Variants in BMAL1 observed in about 807,000 individuals in gnomAD.
The protein encoded by BMAL1 is basic helix-loop-helix ARNT like 1, also known as basic helix-loop-helix ARNT-like protein 1.
At chr11:13,385,875 G>A in the BMAL1 span, 2 of 1,023,536 alleles carry the variant, frequency 2.0e-6, no homozygotes, top group Non-Finnish European at 3.0e-6. Context: ...TGAACTGTGT[G>A]AAACAAGCTA....
the BMAL1 span, among the ~76,000 whole-genome samples, chr11:13,346,464 G>A: frequency 6.6e-6 from 1 of 152,168 alleles, no homozygotes; most frequent in Non-Finnish European, 1.5e-5. Context: ...AAGGGGCAGG[G>A]TTCAGCTTCA....
the BMAL1 span, among the ~76,000 whole-genome samples, chr11:13,351,350 T>C: frequency 1.3e-5 from 2 of 151,892 alleles, no homozygotes; most frequent in African/African-American, 2.4e-5. Flanking sequence ...ACCAGAAGGA[T>C]TGACATAGGA....
At chr11:13,357,162 A>G in the BMAL1 span, 1 of 1,597,964 alleles carries the variant, frequency 6.3e-7, no homozygotes, top group Non-Finnish European at 8.5e-7. The surrounding 1 kb of genome is among the most constrained non-coding windows in gnomAD (Gnocchi z 4.8). Flanking sequence ...GCAGCTGAGG[A>G]GGCTCTGCAT....
the BMAL1 span, among the ~76,000 whole-genome samples, chr11:13,333,242 C>T: frequency 3.9e-5 from 6 of 152,348 alleles, 1 homozygote; most frequent in South Asian, 8.3e-4. Context: ...GCTGGGATTA[C>T]AGGCGTGATC....
the BMAL1 span, among the ~76,000 whole-genome samples, chr11:13,335,926 C>T: frequency 6.6e-5 from 10 of 152,244 alleles, no homozygotes; most frequent in South Asian, 2.1e-3. Flanking sequence ...GGTTATATTA[C>T]TTACAGATTT....
chr11:13,287,053 A>G, the BMAL1 span, among the ~76,000 whole-genome samples: 1 of 152,204 alleles, frequency 6.6e-6, no homozygotes, highest in East Asian at 1.9e-4. Context: ...AAGGTTTTGC[A>G]GTGGTGAAAA....
chr11:13,308,917 G>A, the BMAL1 span, among the ~76,000 whole-genome samples: 3 of 152,138 alleles, frequency 2.0e-5, no homozygotes, highest in African/African-American at 7.2e-5. Flanking sequence ...CAGGGGTTGC[G>A]GGGAGGAGGG....
the BMAL1 span, chr11:13,349,983 A>G: frequency 1.3e-5 from 2 of 152,192 alleles, no homozygotes; most frequent in Non-Finnish European, 2.9e-5. Flanking sequence ...AGAAATTATA[A>G]AACATGAAAA....
the BMAL1 span, chr11:13,356,980 A>G: frequency 6.2e-7 from 1 of 1,607,656 alleles, no homozygotes; most frequent in Non-Finnish European, 8.5e-7. Flanking sequence ...CAGGCAGAAG[A>G]AAACAGCAAT....
At chr11:13,386,891 T>C in the BMAL1 span, 3 of 1,014,974 alleles carry the variant, frequency 3.0e-6, no homozygotes, top group East Asian at 2.7e-5. Flanking sequence ...CTCAGAGCCA[T>C]TGATACAAGT....
At chr11:13,380,426 A>G in the BMAL1 span, 2 of 152,224 alleles carry the variant, frequency 1.3e-5, no homozygotes, top group Non-Finnish European at 2.9e-5. Context: ...CACTCTCCCT[A>G]AACTGTAGCT....
chr11:13,307,793 T>G, the BMAL1 span, among the ~76,000 whole-genome samples: 1 of 152,208 alleles, frequency 6.6e-6, no homozygotes, highest in East Asian at 1.9e-4. Flanking sequence ...AGAAATAGGT[T>G]GGGGAGAGGG....
chr11:13,366,827 A>G, the BMAL1 span: 1 of 1,531,052 alleles, frequency 6.5e-7, no homozygotes, highest in Non-Finnish European at 9.0e-7. Flanking sequence ...GCCCACTCAC[A>G]GGCAGCCAAC....
the BMAL1 span, chr11:13,358,326 G>C: frequency 8.1e-7 from 1 of 1,240,140 alleles, no homozygotes. Context: ...TTCTAAATTT[G>C]CCTTGTCAGA....
At chr11:13,376,876 G>A in the BMAL1 span, 2 of 657,300 alleles carry the variant, frequency 3.0e-6, no homozygotes. Flanking sequence ...ATTTCCCCAT[G>A]AATGCAGAGG....
At chr11:13,370,808 A>C in the BMAL1 span, among the ~76,000 whole-genome samples, 1 of 150,582 alleles carries the variant, frequency 6.6e-6, no homozygotes, top group African/African-American at 2.5e-5. Flanking sequence ...AGAAAAGCTC[A>C]AAATATTTAA....
At chr11:13,284,600 T>C in the BMAL1 span, among the ~76,000 whole-genome samples, 1 of 150,198 alleles carries the variant, frequency 6.7e-6, no homozygotes, top group East Asian at 2.0e-4. Flanking sequence ...TGTGAGATGC[T>C]CTGGAAATTG....
chr11:13,360,493 G>A, the BMAL1 span: 2 of 1,454,012 alleles, frequency 1.4e-6, no homozygotes, highest in Admixed American at 3.6e-5. Flanking sequence ...ACCAGCATGT[G>A]GGAATTTGAT....
At chr11:13,362,945 G>A in the BMAL1 span, among the ~76,000 whole-genome samples, 1 of 151,744 alleles carries the variant, frequency 6.6e-6, no homozygotes, top group Non-Finnish European at 1.5e-5. Flanking sequence ...TAACAGATCT[G>A]CAGCTGTAGA....
Sources: allele counts gnomAD v4.1 joint callset (sites outside exome capture counted in the v4.1 genomes callset), GRCh38; gene constraint gnomAD v4.1.1; non-coding constraint Gnocchi (gnomAD v3.1); transcripts MANE v1.5; gene names NCBI Gene and HGNC (gene_info 2026-07-23, HGNC 2026-07-21).